Variants in DLG2 observed in about 807,000 individuals in gnomAD.
DLG2 encodes discs large MAGUK scaffold protein 2.
A neutral mutation model predicts 132.5 loss-of-function variants in DLG2; 45 were observed. The ratio of observed to expected loss-of-function variants is 0.34; its 90% confidence interval spans 0.27 to 0.44. The LOEUF (loss-of-function observed/expected upper bound fraction) is 0.44, where lower values mean the gene tolerates loss of function less well. Ranked by LOEUF, DLG2 falls within the 20% of genes least tolerant of loss-of-function variation. The pLI, the probability that DLG2 is intolerant of heterozygous loss-of-function variation, is 1.00. For synonymous variants in DLG2, 424 were observed against 419.6 expected, an observed-to-expected ratio of 1.01 and a Z score of -0.13; for missense variants, 1,045 against 1,196.9, an observed-to-expected ratio of 0.87 and a Z score of 1.87.
chr11:85,373,111 G>A (rs7936028), intron 3 of DLG2, among the ~76,000 whole-genome samples: 5,294 of 152,214 alleles, frequency 0.035, 142 homozygotes, highest in Admixed American at 0.049. Context: ...GTCGACCTAG[G>A]TTTGGGCTTA....
Position 83,892,609 on chromosome 11 carries a change from G to A in DLG2, c.1497-18121C>T, listed in dbSNP as rs186558764. Among the ~76,000 whole-genome samples, 560 of 152,120 alleles carry A rather than the reference G, an allele frequency of 3.7e-3. 3 individuals are homozygous for A. Among genetic ancestry groups the A allele is most frequent in the Non-Finnish European group, 6.3e-3 (428 of 67,980 alleles). ...AAGTTACAACTTTGTGAGGATGCAA[G>A]TGAGAGGATTTGAAAGGGCATAAAG... On this transcript the variant is annotated intron_variant, in intron 15 of 27. Coordinates refer to ENST00000376104, the MANE Select transcript of DLG2 (RefSeq NM_001142699.3).
At chr11:85,070,294 A>G (rs980497322) in intron 6 of DLG2, among the ~76,000 whole-genome samples, 8 of 136,276 alleles carry the variant, frequency 5.9e-5, no homozygotes, top group Non-Finnish European at 1.1e-4. Flanking sequence ...CTAGAACTTA[A>G]AGTATAATAA....
intron 10 of DLG2, among the ~76,000 whole-genome samples, chr11:84,083,581 G>A (rs1410554740): frequency 6.6e-6 from 1 of 152,192 alleles, no homozygotes; most frequent in African/African-American, 2.4e-5. Flanking sequence ...ATATTATCAT[G>A]ACAGTGGTTA....
At chr11:84,634,618 T>C (rs553010563) in intron 6 of DLG2, among the ~76,000 whole-genome samples, 2 of 152,334 alleles carry the variant, frequency 1.3e-5, no homozygotes, top group Non-Finnish European at 2.9e-5. Context: ...ACCCAGAGTC[T>C]CTCTGAACCT....
At chr11:84,699,659 C>T (rs1035707432) in intron 6 of DLG2, among the ~76,000 whole-genome samples, 1 of 151,562 alleles carries the variant, frequency 6.6e-6, no homozygotes, top group African/African-American at 2.4e-5. Flanking sequence ...TGCTTTCTAA[C>T]TCTTCCATTC....
At chr11:85,432,730 T>C (rs542540445) in intron 3 of DLG2, among the ~76,000 whole-genome samples, 1 of 152,104 alleles carries the variant, frequency 6.6e-6, no homozygotes, top group East Asian at 1.9e-4. Flanking sequence ...TAGAACCAAA[T>C]TGGAAAACAC....
At chr11:84,523,675 T>C (rs1006496422) in intron 7 of DLG2, among the ~76,000 whole-genome samples, 1 of 152,228 alleles carries the variant, frequency 6.6e-6, no homozygotes, top group Non-Finnish European at 1.5e-5. Flanking sequence ...GTGCCTTATA[T>C]TGATGAGCAG....
chr11:85,209,761 A>C (rs538294482), intron 4 of DLG2, among the ~76,000 whole-genome samples: 15 of 151,684 alleles, frequency 9.9e-5, no homozygotes, highest in Admixed American at 1.3e-4. Context: ...CTCTTCACCG[A>C]AATTCATTTA....
At chr11:84,195,330 A>AT (rs370234697) in intron 8 of DLG2, among the ~76,000 whole-genome samples, 4 of 151,414 alleles carry the variant, frequency 2.6e-5, no homozygotes, top group Admixed American at 1.3e-4. Flanking sequence ...CGTCCAGGTA[A>AT]TTTTTTTTTA....
At chr11:84,441,630 C>T (rs573136509) in intron 7 of DLG2, among the ~76,000 whole-genome samples, 2 of 152,014 alleles carry the variant, frequency 1.3e-5, no homozygotes, top group Non-Finnish European at 2.9e-5. Context: ...ATAACATATT[C>T]TCATTAGTAC....
At chr11:84,428,021 G>A (rs932589991) in intron 7 of DLG2, among the ~76,000 whole-genome samples, 4 of 152,166 alleles carry the variant, frequency 2.6e-5, no homozygotes, top group African/African-American at 9.7e-5. Flanking sequence ...AGTATTTTGT[G>A]AGTTATATGT....
intron 11 of DLG2, among the ~76,000 whole-genome samples, chr11:84,022,205 A>G (rs549052045): frequency 2.0e-5 from 3 of 152,158 alleles, no homozygotes; most frequent in Non-Finnish European, 2.9e-5. Context: ...GACTCACAGG[A>G]AAAGCTTGTT....
chr11:85,015,134 A>C (rs138848501), intron 6 of DLG2, among the ~76,000 whole-genome samples: 53 of 152,342 alleles, frequency 3.5e-4, no homozygotes, highest in African/African-American at 1.2e-3. Context: ...CAGAAGAAGT[A>C]GATGCCAAAA....
At chr11:85,619,471 T>C (rs893194535) in intron 2 of DLG2, among the ~76,000 whole-genome samples, 1 of 152,110 alleles carries the variant, frequency 6.6e-6, no homozygotes, top group Non-Finnish European at 1.5e-5. Context: ...GATGATTCAG[T>C]GCTTAATTCT....
At chr11:85,144,349 CTTTT>C (rs35874789) in intron 5 of DLG2, among the ~76,000 whole-genome samples, 4 of 138,058 alleles carry the variant, frequency 2.9e-5, no homozygotes, top group African/African-American at 5.2e-5. Flanking sequence ...ATAATTGGGT[CTTTT>C]TTTTTTTTTT....
intron 2 of DLG2, among the ~76,000 whole-genome samples, chr11:85,617,806 T>C (rs2081440525): frequency 6.6e-6 from 1 of 152,196 alleles, no homozygotes; most frequent in South Asian, 2.1e-4. Flanking sequence ...TCCTTCAAAA[T>C]GATAAGCCCC....
At chr11:83,634,898 G>C (rs962403755) in intron 18 of DLG2, among the ~76,000 whole-genome samples, 7 of 152,130 alleles carry the variant, frequency 4.6e-5, no homozygotes, top group Non-Finnish European at 1.0e-4. Flanking sequence ...GCAAAGTCTG[G>C]TATTATCCAG....
chr11:84,841,942 TTTC>T (rs2080752210), intron 6 of DLG2, among the ~76,000 whole-genome samples: 1 of 152,002 alleles, frequency 6.6e-6, no homozygotes, highest in Admixed American at 6.6e-5. Flanking sequence ...TGCTTGTATC[TTTC>T]TTCTTATGAT....
chr11:83,462,291 A>G lies in DLG2; in HGVS notation c.2730-198T>C, dbSNP rs7939411. On this transcript the variant is annotated intron_variant, in intron 26 of 27. Transcript: ENST00000376104. ...ACGGCCAGAAAGCTCATTCTCTCAA[A>G]GGGCAGTCTCTTGGTCCCACATTGG... The G allele has an allele frequency of 8.1e-3, 4,474 of 554,074 alleles. 148 individuals are homozygous for G. Among genetic ancestry groups the G allele is most frequent in the African/African-American group, 0.074 (3,953 of 53,132 alleles). 34.3% of individuals were successfully genotyped at this position (554,074 alleles called of 1,614,324 possible).
Sources: allele counts gnomAD v4.1 joint callset (sites outside exome capture counted in the v4.1 genomes callset), GRCh38; gene constraint gnomAD v4.1.1; transcripts MANE v1.5; gene names NCBI Gene and HGNC (gene_info 2026-07-23, HGNC 2026-07-21).